KCNB2: variants seen among roughly 807,000 people sequenced by gnomAD.
KCNB2 encodes the protein delayed rectifier potassium channel protein.
Under a neutral mutation model 61.5 loss-of-function variants are expected in KCNB2, and 15 were observed. That is an observed-to-expected ratio of 0.24 (90% confidence interval 0.16 to 0.38). The LOEUF (loss-of-function observed/expected upper bound fraction) is 0.38, where lower values mean the gene tolerates loss of function less well. Ranked by LOEUF, KCNB2 falls within the 10% of genes least tolerant of loss-of-function variation. The pLI is 1.00. For synonymous variants in KCNB2, 457 were observed against 446.0 expected (o/e 1.02, Z -0.31); for missense variants, 828 against 1,125.2 (o/e 0.74, Z 3.78).
At chr8:72,636,547 G>A (rs781015504) in intron 2 of KCNB2, among the ~76,000 whole-genome samples, 60 of 152,032 alleles carry the variant, frequency 3.9e-4, no homozygotes, top group Non-Finnish European at 7.8e-4. Context: ...GTACACTCTG[G>A]CAATATTATG....
intron 2 of KCNB2, among the ~76,000 whole-genome samples, chr8:72,693,456 G>A (rs532143731): frequency 9.9e-5 from 15 of 152,214 alleles, no homozygotes; most frequent in African/African-American, 3.6e-4. Context: ...GAGAGACTGT[G>A]CCATACAGGG....
At chr8:72,728,849 A>G (rs932570011) in intron 2 of KCNB2, among the ~76,000 whole-genome samples, 1 of 152,210 alleles carries the variant, frequency 6.6e-6, no homozygotes, top group African/African-American at 2.4e-5. Context: ...TATAACTGAC[A>G]TTATTCTTCA....
chr8:72,543,802 T>G (rs1367320962), intron 1 of KCNB2, among the ~76,000 whole-genome samples: 2 of 152,194 alleles, frequency 1.3e-5, no homozygotes, highest in Non-Finnish European at 2.9e-5. Flanking sequence ...GGAAACTCAC[T>G]CAAAAGGATC....
At chr8:72,815,655 C>T (rs531783372) in intron 2 of KCNB2, among the ~76,000 whole-genome samples, 10 of 152,292 alleles carry the variant, frequency 6.6e-5, no homozygotes, top group African/African-American at 2.4e-4. Flanking sequence ...ACTCCCAAAT[C>T]TCATCTTTCA....
At chr8:72,804,777 A>G (rs1281064498) in intron 2 of KCNB2, among the ~76,000 whole-genome samples, 1 of 152,210 alleles carries the variant, frequency 6.6e-6, no homozygotes, top group East Asian at 1.9e-4. Context: ...TTCGACTTAT[A>G]TGCTAACTGT....
At chr8:72,845,991 A>AG (rs945020255) in intron 2 of KCNB2, among the ~76,000 whole-genome samples, 1 of 151,414 alleles carries the variant, frequency 6.6e-6, no homozygotes, top group Non-Finnish European at 1.5e-5. Context: ...GGGGTATGAA[A>AG]AAAAAAAAAA....
chr8:72,631,455 G>C (rs1038238588), intron 2 of KCNB2, among the ~76,000 whole-genome samples: 1 of 152,154 alleles, frequency 6.6e-6, no homozygotes, highest in Admixed American at 6.5e-5. Flanking sequence ...TCTTCACATG[G>C]TGTTCTTGCT....
chr8:72,696,696 G>C (rs533165371), intron 2 of KCNB2, among the ~76,000 whole-genome samples: 1 of 152,150 alleles, frequency 6.6e-6, no homozygotes, highest in African/African-American at 2.4e-5. Context: ...GGATTCTGCT[G>C]TATTATCTAA....
chr8:72,605,619 T>C (rs533832118), intron 2 of KCNB2, among the ~76,000 whole-genome samples: 119 of 152,320 alleles, frequency 7.8e-4, no homozygotes, highest in Non-Finnish European at 6.2e-4. Context: ...TGTATTTAAG[T>C]ATTTTTAATG....
At chr8:72,682,405 T>G (rs1213145842) in intron 2 of KCNB2, among the ~76,000 whole-genome samples, 1 of 152,100 alleles carries the variant, frequency 6.6e-6, no homozygotes, top group Non-Finnish European at 1.5e-5. Flanking sequence ...AAGGAGTTGC[T>G]AATTACAATA....
chr8:72,592,568 A>G (rs1807117920), intron 2 of KCNB2, among the ~76,000 whole-genome samples: 1 of 152,130 alleles, frequency 6.6e-6, no homozygotes, highest in Non-Finnish European at 1.5e-5. Context: ...AGGCATGGCC[A>G]CATGATATAC....
chr8:72,647,509 T>A (rs549543954), intron 2 of KCNB2, among the ~76,000 whole-genome samples: 11 of 152,152 alleles, frequency 7.2e-5, no homozygotes, highest in Non-Finnish European at 1.6e-4. Context: ...ATATAATAAT[T>A]ATATTTCCAT....
Position 72,855,545 on chromosome 8 carries a change from T to C in KCNB2, c.580-80390T>C, listed in dbSNP as rs112836709. Among the ~76,000 whole-genome samples the C allele has an allele frequency of 3.7e-3, 562 of 152,314 alleles. 9 individuals carry two copies. The highest frequency in any genetic ancestry group is 0.01 in the African/African-American group (436 of 41,578). Reference sequence around the variant, plus strand: ...GACCCAGTATCATCTCTCCATATTCTTTGTTATATTTTCCATATTATTAAG... The same window carrying C: ...GACCCAGTATCATCTCTCCATATTCCTTGTTATATTTTCCATATTATTAAG... On this transcript the variant is annotated intron_variant, in intron 2 of 2. Coordinates refer to ENST00000523207, the MANE Select transcript of KCNB2 (RefSeq NM_004770.3).
Position 72,663,235 on chromosome 8 carries a change from A to AT in KCNB2, c.579+94929dup, listed in dbSNP as rs1446541557. Among the ~76,000 whole-genome samples, 7 of 152,300 alleles carry AT rather than the reference A, an allele frequency of 4.6e-5. No homozygotes were observed. In the East Asian group the frequency reaches 7.7e-4, roughly 17 times the overall value. Reference sequence around the variant, plus strand: ...ACTAGTAGACACTTGATTATAACCCATTTTTTTAAATAATACAAGACATGG... The same window carrying AT: ...ACTAGTAGACACTTGATTATAACCCATTTTTTTTAAATAATACAAGACATGG... On this transcript the variant is annotated intron_variant, in intron 2 of 2. Transcript: ENST00000523207.
chr8:72,896,749 A>G (rs1212847211), intron 2 of KCNB2, among the ~76,000 whole-genome samples: 1 of 152,136 alleles, frequency 6.6e-6, no homozygotes, highest in African/African-American at 2.4e-5. Flanking sequence ...AAAATGACTG[A>G]TTTTCATATA....
intron 2 of KCNB2, among the ~76,000 whole-genome samples, chr8:72,838,117 T>G (rs2129002376): frequency 6.6e-6 from 1 of 152,294 alleles, no homozygotes; most frequent in East Asian, 1.9e-4. Flanking sequence ...AGCTATTTTC[T>G]TTTATTTTTT....
At chr8:72,754,542 G>C (rs192881192) in intron 2 of KCNB2, among the ~76,000 whole-genome samples, 3 of 152,162 alleles carry the variant, frequency 2.0e-5, no homozygotes, top group Non-Finnish European at 4.4e-5. Context: ...CTCTTGCTTA[G>C]CCCTGAATGT....
At chr8:72,882,696 C>T (rs1462533863) in intron 2 of KCNB2, among the ~76,000 whole-genome samples, 1 of 149,054 alleles carries the variant, frequency 6.7e-6, no homozygotes, top group African/African-American at 2.5e-5. Flanking sequence ...CAGAAATCCT[C>T]AAGGAGCTCT....
chr8:72,832,138 T>G (rs1362228468), intron 2 of KCNB2, among the ~76,000 whole-genome samples: 1 of 152,220 alleles, frequency 6.6e-6, no homozygotes, highest in East Asian at 1.9e-4. Context: ...TAATGTATGC[T>G]GTAGGAGTGA....
Sources: allele counts gnomAD v4.1 joint callset (sites outside exome capture counted in the v4.1 genomes callset), GRCh38; gene constraint gnomAD v4.1.1; transcripts MANE v1.5; gene names NCBI Gene and HGNC (gene_info 2026-07-23, HGNC 2026-07-21).